The following RYR3 variants were observed in gnomAD, a reference collection of about 807,000 sequenced individuals.
The protein encoded by RYR3 is ryanodine receptor 3.
A neutral mutation model predicts 584.3 loss-of-function variants in RYR3; 207 were observed. The ratio of observed to expected loss-of-function variants is 0.35; its 90% CI spans 0.32 to 0.40. The LOEUF (loss-of-function observed/expected upper bound fraction) is 0.40, where lower values mean the gene tolerates loss of function less well. Among genes scored for constraint, RYR3 ranks in the 10% least tolerant of loss-of-function variants. The probability of loss-of-function intolerance (pLI) is 1.00; values close to 1 mark genes in which losing one functional copy is unlikely to be tolerated. For missense variants in RYR3, 5,616 were observed against 6,089.2 expected, an observed-to-expected ratio of 0.92 and a Z score of 2.59; for synonymous variants, 2,416 against 2,248.5, an observed-to-expected ratio of 1.07 and a Z score of -2.11.
At chr15:33,467,028 T>C (rs1008975609) in intron 1 of RYR3, among the ~76,000 whole-genome samples, 1 of 149,964 alleles carries the variant, frequency 6.7e-6, no homozygotes, top group African/African-American at 2.5e-5. Context: ...CCCACTTATT[T>C]TTCATTTAAG....
intron 16 of RYR3, among the ~76,000 whole-genome samples, chr15:33,590,024 C>T (rs571239217): frequency 1.3e-5 from 2 of 151,122 alleles, no homozygotes; most frequent in Non-Finnish European, 1.5e-5. Flanking sequence ...GGGGTGGGGC[C>T]ATTTTATAGG....
At chr15:33,648,973 G>T (rs962671258) in intron 30 of RYR3, 99 bp from the exon 31 acceptor site, 38 of 1,194,198 alleles carry the variant, frequency 3.2e-5, no homozygotes, top group African/African-American at 4.5e-5. Context: ...AAAAGGGGGG[G>T]CCAAGTGAGC....
chr15:33,580,340 C>T lies in RYR3; in HGVS notation c.1437+196C>T, dbSNP rs564180352. On this transcript the variant is annotated intron_variant, in intron 13 of 103. Transcript: ENST00000634891. ...CTGGTTACATTAGCAATGGCTGGCA[C>T]GTTCAAACCAGATTACATTTTAAAG... 3.3e-5 allele frequency among the ~76,000 whole-genome samples: 5 copies of T among 152,262 alleles called. No homozygotes were observed. In the East Asian group the frequency reaches 7.7e-4, roughly 24 times the overall value.
intron 1 of RYR3, among the ~76,000 whole-genome samples, chr15:33,411,889 T>C (rs911356295): frequency 6.6e-6 from 1 of 152,192 alleles, no homozygotes; most frequent in Non-Finnish European, 1.5e-5. Context: ...TTGGCAAGGG[T>C]CTAGCCTATC....
intron 66 of RYR3, among the ~76,000 whole-genome samples, chr15:33,787,700 G>A (rs2074825519): frequency 6.6e-6 from 1 of 152,150 alleles, no homozygotes; most frequent in African/African-American, 2.4e-5. Flanking sequence ...GCAATAGGTT[G>A]GCAGGTTTCA....
intron 27 of RYR3, among the ~76,000 whole-genome samples, chr15:33,637,488 C>T (rs923792263): frequency 5.3e-5 from 8 of 152,228 alleles, no homozygotes; most frequent in African/African-American, 1.9e-4. Context: ...GCTCACCTGC[C>T]TCTGCTTCTG....
chr15:33,547,016 G>A (rs917617874), intron 8 of RYR3, among the ~76,000 whole-genome samples: 9 of 152,168 alleles, frequency 5.9e-5, no homozygotes, highest in African/African-American at 2.2e-4. Context: ...AAAGTGGCTG[G>A]ATTCAGTATA....
chr15:33,494,126 CATTAG>C (rs1200573758), intron 2 of RYR3, among the ~76,000 whole-genome samples: 4 of 151,656 alleles, frequency 2.6e-5, no homozygotes, highest in South Asian at 2.1e-4. Flanking sequence ...CTCTTTATCA[CATTAG>C]ATTAGCATTT....
intron 47 of RYR3, among the ~76,000 whole-genome samples, chr15:33,729,264 T>C (rs2068731166): frequency 6.6e-6 from 1 of 152,110 alleles, no homozygotes; most frequent in African/African-American, 2.4e-5. Flanking sequence ...TTTTTAACCT[T>C]GACAGTAAAT....
intron 16 of RYR3, 74 bp downstream of exon 16, chr15:33,586,190 C>T: frequency 2.3e-6 from 2 of 874,740 alleles, no homozygotes; most frequent in Non-Finnish European, 3.9e-6. Flanking sequence ...TTGTGTTTTA[C>T]TGAGAGCATG....
chr15:33,339,780 T>G (rs987818903), intron 1 of RYR3, among the ~76,000 whole-genome samples: 1 of 149,258 alleles, frequency 6.7e-6, no homozygotes, highest in East Asian at 2.0e-4. Flanking sequence ...TCCCAGCTAC[T>G]CGGGAGGCTG....
At chr15:33,369,822 C>T (rs1316642710) in intron 1 of RYR3, among the ~76,000 whole-genome samples, 1 of 152,164 alleles carries the variant, frequency 6.6e-6, no homozygotes, top group African/African-American at 2.4e-5. Flanking sequence ...TAGTAGCTGT[C>T]ACATTCTGCC....
At chr15:33,795,617 G>T (rs1596637111) in intron 67 of RYR3, among the ~76,000 whole-genome samples, 1 of 151,954 alleles carries the variant, frequency 6.6e-6, no homozygotes, top group Admixed American at 6.6e-5. Flanking sequence ...TGGTCTTGAA[G>T]TCCTGACCTC....
At chr15:33,754,647 G>A (rs192960815) in intron 57 of RYR3, among the ~76,000 whole-genome samples, 27 of 152,260 alleles carry the variant, frequency 1.8e-4, no homozygotes, top group African/African-American at 3.4e-4. Context: ...GGCTGGGCGC[G>A]GTGGCCGGCC....
rs1305188725 is a variant in RYR3 at position 33,734,554 on chromosome 15, A to G, written c.7425-1681A>G. Among the ~76,000 whole-genome samples, 7 of 152,294 alleles carry G rather than the reference A, an allele frequency of 4.6e-5. 1 individual carries two copies. The Middle Eastern group carries it at 0.017, about 370-fold the overall frequency. Reference sequence around the variant, plus strand: ...TGGAGCTGAACTCCAGGTGTATTTTAGAAACCACATCAACCAAGGACCCCT... The same window carrying G: ...TGGAGCTGAACTCCAGGTGTATTTTGGAAACCACATCAACCAAGGACCCCT... On this transcript the variant is annotated intron_variant, in intron 48 of 103. Transcript: ENST00000634891.
At chr15:33,654,683 A>G (rs2062718416) in intron 32 of RYR3, among the ~76,000 whole-genome samples, 1 of 152,092 alleles carries the variant, frequency 6.6e-6, no homozygotes, top group African/African-American at 2.4e-5. Flanking sequence ...AGCTAGGGAG[A>G]TATAGATAGG....
At chr15:33,678,859 C>T (rs571441976) in intron 38 of RYR3, among the ~76,000 whole-genome samples, 3 of 152,136 alleles carry the variant, frequency 2.0e-5, no homozygotes, top group Admixed American at 6.5e-5. Context: ...CAGGTTTTTC[C>T]TTTGACTGCA....
intron 1 of RYR3, among the ~76,000 whole-genome samples, chr15:33,385,632 G>T (rs2041536461): frequency 1.3e-5 from 2 of 151,786 alleles, no homozygotes; most frequent in African/African-American, 4.8e-5. Flanking sequence ...TAATGAGTTG[G>T]CTCTATATTG....
chr15:33,433,863 T>C (rs2045422212), intron 1 of RYR3, among the ~76,000 whole-genome samples: 1 of 152,202 alleles, frequency 6.6e-6, no homozygotes, highest in Non-Finnish European at 1.5e-5. Context: ...TCAAGTCCCA[T>C]TTTCCAGATT....
Sources: gnomAD v4.1 joint callset for allele counts (sites outside exome capture counted in the v4.1 genomes callset) on GRCh38, gnomAD v4.1.1 for gene constraint, MANE v1.5 for transcripts, NCBI Gene and HGNC (gene_info 2026-07-23, HGNC 2026-07-21) for gene names.